ANKRD45: variants seen among roughly 807,000 people sequenced by gnomAD.
ANKRD45 encodes ankyrin repeat domain-containing protein 45.
A neutral mutation model predicts 28.1 loss-of-function variants in ANKRD45; 21 were observed. The ratio of observed to expected loss-of-function variants is 0.75; its 90% confidence interval spans 0.53 to 1.08. The LOEUF (loss-of-function observed/expected upper bound fraction) is 1.08, where lower values mean the gene tolerates loss of function less well. ANKRD45 is among the 50% of genes least tolerant of loss of function. ANKRD45 has a pLI of 0.00. For synonymous variants in ANKRD45, 86 were observed against 103.9 expected, an observed-to-expected ratio of 0.83 and a Z score of 1.05; for missense variants, 261 against 308.7, an observed-to-expected ratio of 0.85 and a Z score of 1.16.
At chr1:173,666,184 G>A (rs148898590) in intron 1 of ANKRD45, among the ~76,000 whole-genome samples, 1 of 152,188 alleles carries the variant, frequency 6.6e-6, no homozygotes, top group East Asian at 1.9e-4. Context: ...TCTACCTTCA[G>A]GCTCAGGCTG....
upstream of ANKRD45, among the ~76,000 whole-genome samples, chr1:173,671,294 G>C (rs1223900418): frequency 1.3e-5 from 2 of 152,150 alleles, no homozygotes; most frequent in Non-Finnish European, 2.9e-5. Flanking sequence ...GCCGGGGCCT[G>C]TTTTCTGAAA....
chr1:173,688,352 C>CCCTCTCTCTCTCTCTGCCTCTT, the ANKRD45 span, among the ~76,000 whole-genome samples: 3 of 149,266 alleles, frequency 2.0e-5, no homozygotes, highest in Admixed American at 6.6e-5. Context: ...CTCTCTGACT[C>CCCTCTCTCTCTCTCTGCCTCTT]CCTCTCTCTC....
At chr1:173,698,529 A>G in the ANKRD45 span, among the ~76,000 whole-genome samples, 1 of 152,278 alleles carries the variant, frequency 6.6e-6, no homozygotes, top group East Asian at 1.9e-4. Flanking sequence ...TCAAAACCAC[A>G]CAACTACATG....
upstream of ANKRD45, among the ~76,000 whole-genome samples, chr1:173,670,833 G>A (rs1281036595): frequency 3.3e-5 from 5 of 152,226 alleles, no homozygotes; most frequent in African/African-American, 1.2e-4. Flanking sequence ...TAAGAGCTCA[G>A]GAGTTAGGTG....
At chr1:173,707,803 T>C in the ANKRD45 span, among the ~76,000 whole-genome samples, 3 of 152,190 alleles carry the variant, frequency 2.0e-5, no homozygotes, top group Non-Finnish European at 4.4e-5. Context: ...GATCTTCCCA[T>C]AGGGTCTTCA....
chr1:173,682,941 C>CTTTT, the ANKRD45 span, among the ~76,000 whole-genome samples: 22 of 149,872 alleles, frequency 1.5e-4, no homozygotes, highest in African/African-American at 3.5e-4. Flanking sequence ...TTGCCTCTCT[C>CTTTT]TTTTTTTTTC....
upstream of ANKRD45, among the ~76,000 whole-genome samples, chr1:173,672,777 A>T (rs1416241011): frequency 6.6e-6 from 1 of 152,016 alleles, no homozygotes; most frequent in Non-Finnish European, 1.5e-5. Context: ...CTCCCATGAC[A>T]CCCTCTCTTA....
Position 173,609,782 on chromosome 1 carries a change from A to T in ANKRD45, c.*363T>A, listed in dbSNP as rs1667065771. On this transcript the variant is annotated 3_prime_UTR_variant, in exon 6 of 6. Transcript: ENST00000333279. ...AAGATTTCCTTTTTAGGCAGGGAGA[A>T]CAAATTTTTTCTCTGGAAATAGCCA... 1 of 174,312 alleles carries T rather than the reference A, an allele frequency of 5.7e-6. No homozygotes were observed. The highest frequency in any genetic ancestry group is 2.4e-5 in the African/African-American group (1 of 42,212). The allele number at this position is 174,312 out of a possible 1,614,324, so 10.8% of individuals were successfully genotyped here.
chr1:173,660,392 C>G (rs1669725874), intron 1 of ANKRD45, among the ~76,000 whole-genome samples: 1 of 152,122 alleles, frequency 6.6e-6, no homozygotes, highest in South Asian at 2.1e-4. Context: ...TATATTCACA[C>G]AAAATGGTAT....
intron 2 of ANKRD45, among the ~76,000 whole-genome samples, chr1:173,656,956 G>A (rs1669547403): frequency 6.8e-6 from 1 of 147,158 alleles, no homozygotes; most frequent in African/African-American, 2.5e-5. Flanking sequence ...GAGGCCGAAG[G>A]AAGAGCATTG....
At chr1:173,612,508 C>A (rs1217866729) in intron 5 of ANKRD45, 1 of 152,190 alleles carries the variant, frequency 6.6e-6, no homozygotes, top group Non-Finnish European at 1.5e-5. Flanking sequence ...AAATGCAAAT[C>A]AGAATACATT....
chr1:173,636,715 TG>T, intron 3 of ANKRD45: 1 of 769,144 alleles, frequency 1.3e-6, no homozygotes. Context: ...TAATAAGGTT[TG>T]TTTACATATT....
At chr1:173,668,689 C>A (rs923806645) in intron 1 of ANKRD45, among the ~76,000 whole-genome samples, 5 of 152,200 alleles carry the variant, frequency 3.3e-5, no homozygotes, top group Non-Finnish European at 7.3e-5. Flanking sequence ...ACCAATCGGA[C>A]ATTTAGATTC....
the ANKRD45 span, among the ~76,000 whole-genome samples, chr1:173,690,603 G>A: frequency 6.6e-6 from 1 of 152,096 alleles, no homozygotes; most frequent in Admixed American, 6.5e-5. Flanking sequence ...CCAAACTTTG[G>A]CCAGAAGATT....
the ANKRD45 span, among the ~76,000 whole-genome samples, chr1:173,712,648 T>G: frequency 6.6e-6 from 1 of 152,104 alleles, no homozygotes; most frequent in African/African-American, 2.4e-5. Context: ...CACCTACAGG[T>G]GTACACAAGG....
upstream of ANKRD45, among the ~76,000 whole-genome samples, chr1:173,672,393 A>C (rs1670286175): frequency 6.6e-6 from 1 of 152,178 alleles, no homozygotes; most frequent in Non-Finnish European, 1.5e-5. Context: ...GCTATTTTTC[A>C]TAGTCTTTGT....
the ANKRD45 span, among the ~76,000 whole-genome samples, chr1:173,683,753 T>A: frequency 6.6e-6 from 1 of 152,330 alleles, no homozygotes; most frequent in African/African-American, 2.4e-5. Context: ...GAGGTCCTGA[T>A]GACACGTGCC....
chr1:173,654,185 C>G (rs1669383623), intron 2 of ANKRD45, among the ~76,000 whole-genome samples: 1 of 152,084 alleles, frequency 6.6e-6, no homozygotes, highest in African/African-American at 2.4e-5. Flanking sequence ...CAGTTTCTTC[C>G]TAGTATCAAT....
chr1:173,637,686 A>G (rs1558129634), intron 3 of ANKRD45, among the ~76,000 whole-genome samples: 1 of 152,210 alleles, frequency 6.6e-6, no homozygotes, highest in Non-Finnish European at 1.5e-5. Context: ...ATCAGGTTAT[A>G]AATTACCCTG....
Sources: allele counts gnomAD v4.1 joint callset (sites outside exome capture counted in the v4.1 genomes callset), GRCh38; gene constraint gnomAD v4.1.1; transcripts MANE v1.5; gene names NCBI Gene and HGNC (gene_info 2026-07-23, HGNC 2026-07-21).